The following NR3C1 variants were observed in gnomAD, a reference collection of about 807,000 sequenced individuals.
The protein encoded by NR3C1 is glucocorticoid receptor.
In NR3C1, 14 loss-of-function variants were observed where a neutral mutation model predicts 74.0. The observed-to-expected ratio is 0.19, with a 90% confidence interval of 0.12 to 0.30. The LOEUF (loss-of-function observed/expected upper bound fraction) is 0.30, where lower values mean the gene tolerates loss of function less well. Ranked by LOEUF, NR3C1 falls within the 10% of genes least tolerant of loss-of-function variation. The probability of loss-of-function intolerance (pLI) is 1.00; values close to 1 mark genes in which losing one functional copy is unlikely to be tolerated. For synonymous variants in NR3C1, 308 were observed against 332.5 expected, an observed-to-expected ratio of 0.93 and a Z score of 0.80; for missense variants, 695 against 909.8, an observed-to-expected ratio of 0.76 and a Z score of 3.04.
At chr5:143,393,479 G>T (rs1838661352) in intron 2 of NR3C1, among the ~76,000 whole-genome samples, 1 of 152,106 alleles carries the variant, frequency 6.6e-6, no homozygotes, top group African/African-American at 2.4e-5. Context: ...TGGACTTTTA[G>T]TTGAGTATTT....
chr5:143,329,104 A>G (rs1825311624), intron 2 of NR3C1, among the ~76,000 whole-genome samples: 3 of 152,204 alleles, frequency 2.0e-5, no homozygotes, highest in African/African-American at 7.2e-5. Flanking sequence ...TGGGTAATTT[A>G]TAAGGGAGGT....
At chr5:143,404,498 C>A (rs1255876176), upstream of NR3C1, 27 of 978,602 alleles carry the variant, frequency 2.8e-5, no homozygotes, top group Non-Finnish European at 3.1e-5. Flanking sequence ...GCAGAACCCA[C>A]CCTCCCCCGC....
chr5:143,293,262 G>C (rs1816358994), intron 7 of NR3C1, among the ~76,000 whole-genome samples: 1 of 152,206 alleles, frequency 6.6e-6, no homozygotes, highest in African/African-American at 2.4e-5. Context: ...ATTATTGTAA[G>C]TGAAGTAACC....
chr5:143,319,462 C>T (rs1822877806), intron 2 of NR3C1, among the ~76,000 whole-genome samples: 3 of 152,046 alleles, frequency 2.0e-5, no homozygotes, highest in Non-Finnish European at 4.4e-5. Flanking sequence ...GAAAAAAATT[C>T]CAGAAATACA....
At chr5:143,398,869 AAG>A (rs1189537323) in intron 2 of NR3C1, among the ~76,000 whole-genome samples, 1 of 152,198 alleles carries the variant, frequency 6.6e-6, no homozygotes, top group Non-Finnish European at 1.5e-5. Flanking sequence ...GAGTAAAAAA[AAG>A]AGAAAAATCA....
At chr5:143,297,699 T>C (rs1195754378) in intron 6 of NR3C1, among the ~76,000 whole-genome samples, 4 of 152,238 alleles carry the variant, frequency 2.6e-5, no homozygotes, top group East Asian at 1.9e-4. Flanking sequence ...CCTGTTTACA[T>C]TGTACTAATA....
At chr5:143,434,446 C>T in intron 1 of NR3C1, 1 of 700,388 alleles carries the variant, frequency 1.4e-6, no homozygotes, top group Non-Finnish European at 1.8e-6. Flanking sequence ...TTTTCTGATG[C>T]TCTGACCTCT....
intron 2 of NR3C1, among the ~76,000 whole-genome samples, chr5:143,320,439 C>T (rs1823114869): frequency 6.6e-6 from 1 of 152,176 alleles, no homozygotes; most frequent in Non-Finnish European, 1.5e-5. Context: ...AAAACCTATA[C>T]ATTAATAGAT....
chr5:143,381,620 C>T (rs1836261262), intron 2 of NR3C1, among the ~76,000 whole-genome samples: 1 of 152,066 alleles, frequency 6.6e-6, no homozygotes, highest in African/African-American at 2.4e-5. Context: ...AACCCAGAAA[C>T]AAATTCATAC....
chr5:143,365,812 A>G (rs1000754697), intron 2 of NR3C1, among the ~76,000 whole-genome samples: 2 of 152,234 alleles, frequency 1.3e-5, no homozygotes, highest in Non-Finnish European at 2.9e-5. Context: ...ATGTTCTCGG[A>G]CCAGAATGGA....
chr5:143,315,846 C>T (rs545556877), intron 2 of NR3C1, among the ~76,000 whole-genome samples: 22 of 152,268 alleles, frequency 1.4e-4, no homozygotes, highest in African/African-American at 4.8e-4. Flanking sequence ...TAAATCCAAA[C>T]GATCGCCCTA....
At chr5:143,370,157 G>T (rs1409598005) in intron 2 of NR3C1, among the ~76,000 whole-genome samples, 3 of 152,104 alleles carry the variant, frequency 2.0e-5, no homozygotes, top group Non-Finnish European at 4.4e-5. Context: ...TGCCCATGCT[G>T]CCCTGCAAAG....
intron 1 of NR3C1, among the ~76,000 whole-genome samples, chr5:143,417,336 A>G (rs1600672812): frequency 6.6e-6 from 1 of 152,248 alleles, no homozygotes; most frequent in African/African-American, 2.4e-5. Flanking sequence ...CATAAACTTT[A>G]TACTTCTCTC....
upstream of NR3C1, chr5:143,405,337 C>T: frequency 8.1e-6 from 8 of 985,618 alleles, no homozygotes; most frequent in South Asian, 3.3e-4. Context: ...CTCTCACCTC[C>T]CGCCGCGCTC....
At chr5:143,330,194 TAAA>T (rs1341896507) in intron 2 of NR3C1, among the ~76,000 whole-genome samples, 5 of 152,074 alleles carry the variant, frequency 3.3e-5, no homozygotes, top group Non-Finnish European at 4.4e-5. Flanking sequence ...GTATGTTAAA[TAAA>T]GAAGAAACAT....
Position 143,400,409 on chromosome 5 carries a change from G to C in NR3C1, c.431C>G (p.Ser144Cys). 3.1e-6 allele frequency: 5 copies of C among 1,614,192 alleles called. 1 individual carries two copies. The South Asian group carries it at 5.5e-5, about 18-fold the overall frequency. Residue 144 changes from serine (S) to cysteine (C), a missense_variant, in exon 2 of 9, where the codon TCC (serine) becomes TGC (cysteine). Around this residue, in one of 4 missense-constraint regions of NR3C1, gnomAD observed 497 missense variants for 489.5 expected, o/e 1.02. Transcript: ENST00000394464. ...TGTGGGGGCAGCAGACACAGCAGTG[G>C]ATGCTGAACTCTTGGGGTTCTCTGG... ...SVPENPKSSASTAVSAAPTEK... is the reference protein window; with the variant it reads ...SVPENPKSSACTAVSAAPTEK...
At chr5:143,345,452 C>A (rs1366567702) in intron 2 of NR3C1, among the ~76,000 whole-genome samples, 1 of 152,170 alleles carries the variant, frequency 6.6e-6, no homozygotes, top group Admixed American at 6.5e-5. Context: ...TCCAGTGACC[C>A]GCCTGCCTTG....
Position 143,403,236 on chromosome 5 carries a change from C to T in NR3C1, c.-39G>A, listed in dbSNP as rs1029290630. 2.7e-4 allele frequency: 269 copies of T among 985,418 alleles called. No individual in the cohort carries two copies. The highest frequency in any genetic ancestry group is 3.2e-4 in the Non-Finnish European group (264 of 830,042). The allele number at this position is 985,418 out of a possible 1,614,324, so 61.0% of individuals were successfully genotyped here. ...CTCTGGCAGAGGAGCCGCTCGCCCGCCACCGTCCGCAGTTCCCGCCGCAGC... is the reference window on the plus strand; with the variant it reads ...CTCTGGCAGAGGAGCCGCTCGCCCGTCACCGTCCGCAGTTCCCGCCGCAGC... On this transcript the variant is annotated 5_prime_UTR_variant, in exon 1 of 9. Coordinates refer to ENST00000394464, the MANE Select transcript of NR3C1 (RefSeq NM_000176.3).
intron 3 of NR3C1, among the ~76,000 whole-genome samples, chr5:143,312,927 A>T (rs1275374030): frequency 6.6e-6 from 1 of 152,218 alleles, no homozygotes; most frequent in Admixed American, 6.5e-5. Context: ...AGGTGGGACT[A>T]CTACACTGGC....
Sources: gnomAD v4.1 joint callset for allele counts (sites outside exome capture counted in the v4.1 genomes callset) on GRCh38, gnomAD v4.1.1 for gene constraint, gnomAD v4.1.1 regional missense constraint, MANE v1.5 for transcripts, NCBI Gene and HGNC (gene_info 2026-07-23, HGNC 2026-07-21) for gene names.